Variants in CTIF observed in about 807,000 individuals in gnomAD.
The protein encoded by CTIF is cap binding complex dependent translation initiation factor.
Under a neutral mutation model 66.0 loss-of-function variants are expected in CTIF, and 21 were observed. That is an observed-to-expected ratio of 0.32 (90% confidence interval 0.23 to 0.46). The LOEUF (loss-of-function observed/expected upper bound fraction) is 0.46, where lower values mean the gene tolerates loss of function less well. Ranked by LOEUF, CTIF falls within the 20% of genes least tolerant of loss-of-function variation. The pLI is 1.00. For missense variants in CTIF, 739 were observed against 812.7 expected, an observed-to-expected ratio of 0.91 and a Z score of 1.10; for synonymous variants, 345 against 326.4, an observed-to-expected ratio of 1.06 and a Z score of -0.62.
intron 6 of CTIF, among the ~76,000 whole-genome samples, chr18:48,685,669 A>C (rs1402967899): frequency 6.6e-6 from 1 of 151,898 alleles, no homozygotes; most frequent in Non-Finnish European, 1.5e-5. Flanking sequence ...CTATGAAGTT[A>C]CTATTTTTCT....
intron 3 of CTIF, among the ~76,000 whole-genome samples, chr18:48,651,592 A>G (rs554096396): frequency 6.6e-6 from 1 of 152,326 alleles, no homozygotes; most frequent in South Asian, 2.1e-4. Flanking sequence ...CCAGGACTTG[A>G]GCTTAGCTCT....
chr18:48,705,071 A>G (rs1323230511), intron 6 of CTIF, among the ~76,000 whole-genome samples: 3 of 152,162 alleles, frequency 2.0e-5, no homozygotes, highest in Non-Finnish European at 4.4e-5. Flanking sequence ...ATGCTGGACA[A>G]CTGGTAACTC....
chr18:48,543,687 A>T (rs1048536384), intron 1 of CTIF, among the ~76,000 whole-genome samples: 1 of 152,286 alleles, frequency 6.6e-6, no homozygotes, highest in South Asian at 2.1e-4. Context: ...GGGAAGTGGA[A>T]TGACTTGCCT....
chr18:48,784,905 G>A (rs1435599865), intron 9 of CTIF, among the ~76,000 whole-genome samples: 1 of 152,152 alleles, frequency 6.6e-6, no homozygotes, highest in African/African-American at 2.4e-5. Flanking sequence ...GGAAACCCTC[G>A]CTGTCATCCA....
intron 1 of CTIF, among the ~76,000 whole-genome samples, chr18:48,582,333 G>A (rs116530269): frequency 2.7e-3 from 408 of 152,228 alleles, no homozygotes; most frequent in African/African-American, 8.7e-3. Context: ...CACACCCGTG[G>A]GAACAGAGAA....
intron 7 of CTIF, among the ~76,000 whole-genome samples, chr18:48,712,020 A>C (rs2092230049): frequency 6.6e-6 from 1 of 152,236 alleles, no homozygotes; most frequent in Admixed American, 6.5e-5. Flanking sequence ...ACCTCAAAGC[A>C]ACAATAGTGG....
At chr18:48,806,965 T>C (rs943874741) in intron 9 of CTIF, among the ~76,000 whole-genome samples, 1 of 152,210 alleles carries the variant, frequency 6.6e-6, no homozygotes, top group South Asian at 2.1e-4. Context: ...GCCAATCAGA[T>C]GAGAACCTAG....
intron 9 of CTIF, among the ~76,000 whole-genome samples, chr18:48,776,453 T>C (rs1910690501): frequency 6.6e-6 from 1 of 152,236 alleles, no homozygotes; most frequent in Admixed American, 6.5e-5. Flanking sequence ...CAGCAACACT[T>C]GCTGCTTTCA....
rs1467573296 is a variant in CTIF at position 48,623,613 on chromosome 18, A to G, written c.180+3868A>G. Among the ~76,000 whole-genome samples, 3 of 150,660 alleles carry G rather than the reference A, an allele frequency of 2.0e-5. No homozygotes were observed. The East Asian group carries it at 5.8e-4, about 29-fold the overall frequency. Reference sequence around the variant, plus strand: ...AAAAAAAAACAGCAAACACTCAGGGAATGTTCCTGTCTGCCTGTGTGGTAT... The same window carrying G: ...AAAAAAAAACAGCAAACACTCAGGGGATGTTCCTGTCTGCCTGTGTGGTAT... On this transcript the variant is annotated intron_variant, in intron 2 of 11. Coordinates refer to ENST00000256413, the MANE Select transcript of CTIF (RefSeq NM_014772.3).
chr18:48,663,655 C>T, intron 3 of CTIF, 97 bp from the exon 4 acceptor site: 2 of 1,109,462 alleles, frequency 1.8e-6, no homozygotes, highest in South Asian at 2.6e-5. Flanking sequence ...CACTTGGGGG[C>T]TCACTCCAGC....
At chr18:48,730,844 A>C (rs1193516030) in intron 7 of CTIF, among the ~76,000 whole-genome samples, 2 of 125,886 alleles carry the variant, frequency 1.6e-5, no homozygotes, top group South Asian at 5.5e-4. Flanking sequence ...GGTGTGAGGG[A>C]CCCCCGCAGC....
intron 9 of CTIF, among the ~76,000 whole-genome samples, chr18:48,793,280 A>C (rs1568223036): frequency 6.6e-6 from 1 of 152,014 alleles, no homozygotes; most frequent in African/African-American, 2.4e-5. Flanking sequence ...CTGCAACCCC[A>C]CCCCCTCTAA....
intron 2 of CTIF, among the ~76,000 whole-genome samples, chr18:48,630,135 G>A (rs1171676403): frequency 6.6e-6 from 1 of 152,098 alleles, no homozygotes; most frequent in African/African-American, 2.4e-5. Context: ...TCATCCCTTT[G>A]TCCAGCGTTT....
At chr18:48,549,463 G>C (rs1048321597) in intron 1 of CTIF, among the ~76,000 whole-genome samples, 28 of 152,314 alleles carry the variant, frequency 1.8e-4, no homozygotes, top group African/African-American at 6.3e-4. Flanking sequence ...TCTAAAGGTA[G>C]GAGCTCTAGG....
chr18:48,835,315 C>T (rs917281492), intron 10 of CTIF, among the ~76,000 whole-genome samples: 1 of 152,184 alleles, frequency 6.6e-6, no homozygotes, highest in Admixed American at 6.5e-5. Flanking sequence ...CCACCTGATC[C>T]TCCAGACAAC....
At chr18:48,624,943 AC>A (rs750639200) in intron 2 of CTIF, among the ~76,000 whole-genome samples, 2 of 152,062 alleles carry the variant, frequency 1.3e-5, no homozygotes, top group Non-Finnish European at 2.9e-5. Context: ...GCACTTGGAA[AC>A]CCTGGGTTTC....
At chr18:48,578,580 T>C (rs894961782) in intron 1 of CTIF, among the ~76,000 whole-genome samples, 5 of 152,240 alleles carry the variant, frequency 3.3e-5, no homozygotes, top group African/African-American at 1.2e-4. Context: ...ACTAATGACG[T>C]TGAACATCTT....
chr18:48,773,877 G>A (rs1910407699), intron 9 of CTIF, among the ~76,000 whole-genome samples: 1 of 152,210 alleles, frequency 6.6e-6, no homozygotes, highest in Non-Finnish European at 1.5e-5. Context: ...GAGAGGAACA[G>A]GAAGAGGAGA....
chr18:48,762,535 G>A (rs369643117), intron 9 of CTIF, among the ~76,000 whole-genome samples: 1 of 152,196 alleles, frequency 6.6e-6, no homozygotes, highest in East Asian at 1.9e-4. Flanking sequence ...TTGGCTGGGG[G>A]AGAGCCATGT....
Sources: allele counts gnomAD v4.1 joint callset (sites outside exome capture counted in the v4.1 genomes callset), GRCh38; gene constraint gnomAD v4.1.1; transcripts MANE v1.5; gene names NCBI Gene and HGNC (gene_info 2026-07-23, HGNC 2026-07-21).